SCFD1: variants seen among roughly 807,000 people sequenced by gnomAD.
SCFD1 encodes sec1 family domain-containing protein 1.
A neutral mutation model predicts 103.2 loss-of-function variants in SCFD1; 37 were observed. The observed-to-expected ratio is 0.36, with a 90% CI of 0.28 to 0.47. The LOEUF (loss-of-function observed/expected upper bound fraction) is 0.47, where lower values mean the gene tolerates loss of function less well. Among genes scored for constraint, SCFD1 ranks in the 20% least tolerant of loss-of-function variants. The pLI, the probability that SCFD1 is intolerant of heterozygous loss-of-function variation, is 1.00. For synonymous variants in SCFD1, 264 were observed against 245.0 expected, an observed-to-expected ratio of 1.08 and a Z score of -0.73; for missense variants, 639 against 761.2, an observed-to-expected ratio of 0.84 and a Z score of 1.89.
intron 10 of SCFD1, among the ~76,000 whole-genome samples, chr14:30,665,950 C>A (rs1045225897): frequency 1.3e-5 from 2 of 152,086 alleles, no homozygotes; most frequent in Non-Finnish European, 2.9e-5. Flanking sequence ...ACTTAGACTC[C>A]CACACAATAA....
chr14:30,633,571 CCA>C (rs879725361), intron 3 of SCFD1, among the ~76,000 whole-genome samples: 1 of 152,016 alleles, frequency 6.6e-6, no homozygotes, highest in Non-Finnish European at 1.5e-5. Flanking sequence ...CCTCAGAGAG[CCA>C]CACTTTCCTC....
intron 7 of SCFD1, among the ~76,000 whole-genome samples, chr14:30,647,693 T>C (rs768965785): frequency 2.0e-5 from 3 of 152,186 alleles, no homozygotes; most frequent in Non-Finnish European, 4.4e-5. Context: ...CCACACGGTC[T>C]GTAAAATTTT....
At chr14:30,704,805 G>A (rs900459735) in intron 17 of SCFD1, among the ~76,000 whole-genome samples, 1 of 152,020 alleles carries the variant, frequency 6.6e-6, no homozygotes, top group Non-Finnish European at 1.5e-5. Flanking sequence ...AAATGTCTAT[G>A]GTGTGCCACT....
chr14:30,702,215 T>G (rs1891127504), intron 16 of SCFD1, 81 bp from the exon 17 acceptor site: 11 of 965,424 alleles, frequency 1.1e-5, no homozygotes, highest in Non-Finnish European at 1.7e-5. Flanking sequence ...TTGGTCTTAC[T>G]TTTTAATTAA....
At chr14:30,622,828 C>A (rs1882991184) in intron 1 of SCFD1, among the ~76,000 whole-genome samples, 1 of 152,164 alleles carries the variant, frequency 6.6e-6, no homozygotes, top group Admixed American at 6.5e-5. Flanking sequence ...GCTTGCTTTG[C>A]GCCACTTCTC....
intron 19 of SCFD1, among the ~76,000 whole-genome samples, chr14:30,715,051 G>GT (rs1223765133): frequency 6.6e-6 from 1 of 152,166 alleles, no homozygotes; most frequent in Non-Finnish European, 1.5e-5. Context: ...AATCTGTTCT[G>GT]TAAGATGATG....
At chr14:30,678,297 T>G (rs1889207048) in intron 14 of SCFD1, among the ~76,000 whole-genome samples, 1 of 152,186 alleles carries the variant, frequency 6.6e-6, no homozygotes, top group South Asian at 2.1e-4. Flanking sequence ...ATTAACCTTT[T>G]TAGAAATCCT....
rs1409858140 is a variant in SCFD1 at position 30,692,549 on chromosome 14, A to G, written c.1243-2224A>G. On this transcript the variant is annotated intron_variant, in intron 14 of 24. Transcript: ENST00000458591. ...TTCACTGAGTAGATGGTAAGGAGGA[A>G]TATATTCTGCAAAAGCTGAGAGAAT... Among the ~76,000 whole-genome samples, 5 of 152,332 alleles carry G rather than the reference A, an allele frequency of 3.3e-5. No individual in the cohort carries two copies. In the East Asian group the frequency reaches 5.8e-4, roughly 18 times the overall value.
chr14:30,639,773 C>T lies in SCFD1; in HGVS notation c.436-4C>T, dbSNP rs1236741606. On this transcript the variant is annotated splice_region_variant and splice_polypyrimidine_tract_variant and intron_variant, in intron 5 of 24. Coordinates refer to ENST00000458591, the MANE Select transcript of SCFD1 (RefSeq NM_016106.4). ...GATTTGTAAACCTTTTCTTTTGTTT[C>T]TAGGTTTTTGACCAATATCTCAATT... The T allele has an allele frequency of 1.3e-6, 2 of 1,565,398 alleles. No individual in the cohort carries two copies. Among genetic ancestry groups the T allele is most frequent in the Non-Finnish European group, 1.7e-6 (2 of 1,157,266 alleles).
chr14:30,722,641 TC>T (rs2139414562), intron 23 of SCFD1, 82 bp downstream of exon 23: 1 of 747,138 alleles, frequency 1.3e-6, no homozygotes, highest in East Asian at 2.8e-5. Context: ...GCTATCCTGA[TC>T]CTTCTATAAC....
At chr14:30,715,829 A>G (rs576863150) in intron 19 of SCFD1, 95 bp from the exon 20 acceptor site, 14 of 643,904 alleles carry the variant, frequency 2.2e-5, no homozygotes, top group Non-Finnish European at 3.8e-5. Flanking sequence ...TTTAATTGAA[A>G]GGTAAGCATA....
chr14:30,672,199 G>A (rs1302654218), intron 11 of SCFD1, among the ~76,000 whole-genome samples: 2 of 152,082 alleles, frequency 1.3e-5, no homozygotes, highest in Non-Finnish European at 2.9e-5. Flanking sequence ...GAGAGGGTAA[G>A]AGCTTGCCTG....
At chr14:30,715,898 A>G (rs775317545) in intron 19 of SCFD1, 26 bp from the exon 20 acceptor site, 4 of 1,361,946 alleles carry the variant, frequency 2.9e-6, no homozygotes, top group Non-Finnish European at 4.1e-6. Context: ...TAATATTCTA[A>G]TATTTAACAA....
At chr14:30,712,404 T>C (rs1257667282) in intron 19 of SCFD1, among the ~76,000 whole-genome samples, 1 of 152,176 alleles carries the variant, frequency 6.6e-6, no homozygotes, top group Admixed American at 6.5e-5. Context: ...CATAGATCAG[T>C]TGTCAATATA....
intron 10 of SCFD1, among the ~76,000 whole-genome samples, chr14:30,656,925 G>A (rs543272360): frequency 1.3e-5 from 2 of 152,202 alleles, no homozygotes; most frequent in South Asian, 4.2e-4. Flanking sequence ...ATAGGAGATG[G>A]GGTCTCAGTG....
intron 7 of SCFD1, among the ~76,000 whole-genome samples, chr14:30,644,553 G>A (rs971526600): frequency 2.6e-5 from 4 of 152,184 alleles, no homozygotes; most frequent in African/African-American, 9.6e-5. Flanking sequence ...TGACTGGTGT[G>A]AGATGGTATC....
intron 7 of SCFD1, among the ~76,000 whole-genome samples, chr14:30,645,668 A>G (rs1269943327): frequency 6.6e-6 from 1 of 152,114 alleles, no homozygotes; most frequent in Non-Finnish European, 1.5e-5. Flanking sequence ...GTTTTTGTAC[A>G]TTGACTTTTG....
At chr14:30,670,779 T>G (rs944245319) in intron 11 of SCFD1, among the ~76,000 whole-genome samples, 4 of 152,130 alleles carry the variant, frequency 2.6e-5, no homozygotes, top group African/African-American at 9.6e-5. Flanking sequence ...AACCTTGTTT[T>G]AGATACTTGT....
intron 14 of SCFD1, among the ~76,000 whole-genome samples, chr14:30,692,211 A>G (rs9806111): frequency 0.49 from 74,900 of 151,960 alleles, 21,450 homozygotes; most frequent in African/African-American, 0.79. Flanking sequence ...CCCCGTTCTT[A>G]GTTTCGAAAT....
Sources: gnomAD v4.1 joint callset for allele counts (sites outside exome capture counted in the v4.1 genomes callset) on GRCh38, gnomAD v4.1.1 for gene constraint, MANE v1.5 for transcripts, NCBI Gene and HGNC (gene_info 2026-07-23, HGNC 2026-07-21) for gene names.